The following CATSPERE variants were observed in gnomAD, a reference collection of about 807,000 sequenced individuals.
CATSPERE encodes catsper channel auxiliary subunit epsilon.
Under a neutral mutation model 114.1 loss-of-function variants are expected in CATSPERE, and 93 were observed. The ratio of observed to expected loss-of-function variants is 0.81; its 90% CI spans 0.69 to 0.97. The LOEUF (loss-of-function observed/expected upper bound fraction) is 0.97. Among genes scored for constraint, CATSPERE ranks in the 50% least tolerant of loss-of-function variants. The probability of loss-of-function intolerance (pLI) is 0.00; values close to 1 mark genes in which losing one functional copy is unlikely to be tolerated. For synonymous variants in CATSPERE, 341 were observed against 384.1 expected, an observed-to-expected ratio of 0.89 and a Z score of 1.31; for missense variants, 1,058 against 1,131.6, an observed-to-expected ratio of 0.93 and a Z score of 0.93.
intron 5 of CATSPERE, among the ~76,000 whole-genome samples, chr1:244,484,800 T>C (rs1670745252): frequency 2.6e-5 from 4 of 152,232 alleles, no homozygotes. Flanking sequence ...AGTATATCCT[T>C]TAACGGTTCC....
chr1:244,589,304 ACTC>A (rs1667420157), intron 14 of CATSPERE, among the ~76,000 whole-genome samples: 1 of 151,816 alleles, frequency 6.6e-6, no homozygotes, highest in African/African-American at 2.4e-5. Context: ...ACAAATATCT[ACTC>A]CTCTGTCATT....
chr1:244,461,254 G>GGCGCGC, upstream of CATSPERE: 1 of 466,848 alleles, frequency 2.1e-6, no homozygotes, highest in Non-Finnish European at 3.5e-6. Flanking sequence ...CCCAGGTAGC[G>GGCGCGC]GCGCGCACGC....
intron 2 of CATSPERE, among the ~76,000 whole-genome samples, chr1:244,470,431 A>G (rs1424670110): frequency 6.6e-6 from 1 of 152,232 alleles, no homozygotes; most frequent in East Asian, 1.9e-4. Context: ...GCACATCCCC[A>G]TCAGGGAAAT....
intron 10 of CATSPERE, among the ~76,000 whole-genome samples, chr1:244,572,060 A>G (rs1026485085): frequency 1.3e-5 from 2 of 152,210 alleles, no homozygotes; most frequent in Non-Finnish European, 2.9e-5. Flanking sequence ...CATCCTTGTT[A>G]TTACTGAATA....
chr1:244,498,033 G>T lies in CATSPERE; in HGVS notation c.352-969G>T, dbSNP rs573409635. On this transcript the variant is annotated intron_variant, in intron 6 of 21. Transcript: ENST00000366534. ...CCATGACTCAACAATTACACTTTTA[G>T]GAATGTGCCCTACCAATATGCTCAA... Among the ~76,000 whole-genome samples the T allele has an allele frequency of 2.0e-5, 3 of 152,192 alleles. No individual in the cohort carries two copies. The East Asian group carries it at 5.8e-4, about 29-fold the overall frequency.
At chr1:244,623,504 T>A (rs994876743) in intron 20 of CATSPERE, among the ~76,000 whole-genome samples, 1 of 152,132 alleles carries the variant, frequency 6.6e-6, no homozygotes, top group African/African-American at 2.4e-5. Flanking sequence ...AAAGGCAAAT[T>A]CAAATCCCAA....
rs138490215 is a variant in CATSPERE, at chr1:244,515,182, A to G, written c.430-3410A>G. The G allele has an allele frequency of 2.0e-3, 389 of 190,080 alleles. 1 individual carries two copies. The highest frequency in any genetic ancestry group is 2.6e-3 in the Non-Finnish European group (271 of 102,836). The allele number at this position is 190,080 out of a possible 1,614,324, so 11.8% of individuals were successfully genotyped here. On this transcript the variant is annotated intron_variant, in intron 7 of 21. Coordinates refer to ENST00000366534, the MANE Select transcript of CATSPERE (RefSeq NM_001130957.2). ...ATCCACTTACTAGTCTCCCCCTTCT[A>G]CTATACACGAGCCGTTATTTTCCTG...
chr1:244,610,604 T>A (rs1397551958), intron 19 of CATSPERE: 5 of 488,028 alleles, frequency 1.0e-5, no homozygotes, highest in South Asian at 9.7e-5. Context: ...GCATCAAGAG[T>A]GAGTCTTTGT....
intron 8 of CATSPERE, among the ~76,000 whole-genome samples, chr1:244,537,670 A>G (rs1298524007): frequency 6.6e-6 from 1 of 152,206 alleles, no homozygotes; most frequent in Non-Finnish European, 1.5e-5. Flanking sequence ...ACAGCTTTTT[A>G]TGTGAATTTG....
intron 17 of CATSPERE, among the ~76,000 whole-genome samples, chr1:244,600,897 A>G (rs1156414137): frequency 6.6e-6 from 1 of 152,260 alleles, no homozygotes; most frequent in Non-Finnish European, 1.5e-5. Flanking sequence ...ACAAACATTT[A>G]AGGAAACGGA....
intron 20 of CATSPERE, among the ~76,000 whole-genome samples, chr1:244,619,852 C>T (rs1671867238): frequency 6.6e-6 from 1 of 152,124 alleles, no homozygotes; most frequent in Non-Finnish European, 1.5e-5. Context: ...GAATTTTATG[C>T]ACCCAACAAA....
In CATSPERE at chr1:244,617,666, G is replaced by A. The variant is rs1205508212; in HGVS notation, c.2628G>A (p.Lys876=). 2 of 1,539,166 alleles carry A rather than the reference G, an allele frequency of 1.3e-6. No individual in the cohort carries two copies. The highest frequency in any genetic ancestry group is 2.5e-5 in the South Asian group (2 of 80,518). The change falls in exon 20 of 22, where the codon AAG becomes AAA. Residue 876 remains lysine (K), a synonymous_variant. Coordinates refer to ENST00000366534, the MANE Select transcript of CATSPERE (RefSeq NM_001130957.2). ...GHSGMYVFRV[K]ILDPNYSFCN... is the part of the protein sequence containing the mutation. ...CTGGAATGTATGTATTTCGTGTGAA[G>A]ATCCTGGATCCAAACTATAGGTGAA...
chr1:244,544,710 T>A (rs1343259480), intron 8 of CATSPERE, among the ~76,000 whole-genome samples: 1 of 152,190 alleles, frequency 6.6e-6, no homozygotes, highest in Non-Finnish European at 1.5e-5. Context: ...CCTATTCAAC[T>A]TATCTATGTG....
At chr1:244,596,655 G>C (rs115564980) in intron 17 of CATSPERE, among the ~76,000 whole-genome samples, 1 of 151,954 alleles carries the variant, frequency 6.6e-6, no homozygotes, top group African/African-American at 2.4e-5. Flanking sequence ...AATACCTCAC[G>C]CATGCGGGGC....
At chr1:244,471,426 A>G (rs1394272139) in intron 2 of CATSPERE, among the ~76,000 whole-genome samples, 1 of 152,232 alleles carries the variant, frequency 6.6e-6, no homozygotes, top group Non-Finnish European at 1.5e-5. Context: ...CCTTTTAAGC[A>G]TATAGTTTGA....
rs932538670 is a variant in CATSPERE at position 244,633,633 on chromosome 1, C to G, written c.2649-1856C>G. 1.3e-5 allele frequency among the ~76,000 whole-genome samples: 2 copies of G among 152,116 alleles called. No individual in the cohort carries two copies. The highest frequency in any genetic ancestry group is 6.5e-5 in the Admixed American group (1 of 15,272). On this transcript the variant is annotated intron_variant, in intron 20 of 21. Transcript: ENST00000366534. The surrounding 1 kb of genome is among the most constrained non-coding windows in gnomAD (Gnocchi z 4.1). ...GCAGGCATGAGCACACGCATGCACACACACACACACGCACACAAAACCCCC... is the reference window on the plus strand; with the variant it reads ...GCAGGCATGAGCACACGCATGCACAGACACACACACGCACACAAAACCCCC...
chr1:244,612,574 G>A (rs1392696375), intron 19 of CATSPERE, among the ~76,000 whole-genome samples: 3 of 152,172 alleles, frequency 2.0e-5, no homozygotes, highest in East Asian at 3.9e-4. Context: ...TACAGAATCC[G>A]ATTTGAGTTT....
intron 8 of CATSPERE, among the ~76,000 whole-genome samples, chr1:244,547,723 T>C (rs1471021255): frequency 6.6e-6 from 1 of 152,116 alleles, no homozygotes. Context: ...ATCATACTAC[T>C]AGAGAACATC....
intron 11 of CATSPERE, among the ~76,000 whole-genome samples, chr1:244,574,853 A>G (rs2148585982): frequency 6.6e-6 from 1 of 152,348 alleles, no homozygotes; most frequent in South Asian, 2.1e-4. Context: ...TTTAAATTAT[A>G]CAATATTTCT....
Sources: gnomAD v4.1 joint callset for allele counts (sites outside exome capture counted in the v4.1 genomes callset) on GRCh38, gnomAD v4.1.1 for gene constraint, Gnocchi (gnomAD v3.1) non-coding constraint, MANE v1.5 for transcripts, NCBI Gene and HGNC (gene_info 2026-07-23, HGNC 2026-07-21) for gene names.